Variants in FSD1L observed in about 807,000 individuals in gnomAD.
The protein encoded by FSD1L is FSD1-like protein.
In FSD1L, 45 loss-of-function variants were observed where a neutral mutation model predicts 71.6. That is an observed-to-expected ratio of 0.63 (90% CI 0.49 to 0.81). The LOEUF (loss-of-function observed/expected upper bound fraction) is 0.81, where lower values mean the gene tolerates loss of function less well. FSD1L is among the 30% of genes least tolerant of loss of function. The pLI, the probability that FSD1L is intolerant of heterozygous loss-of-function variation, is 0.00. For synonymous variants in FSD1L, 197 were observed against 207.2 expected (o/e 0.95, Z 0.42); for missense variants, 561 against 618.1 (o/e 0.91, Z 0.98).
At chr9:105,492,898 C>T (rs1304259840) in intron 7 of FSD1L, among the ~76,000 whole-genome samples, 1 of 152,036 alleles carries the variant, frequency 6.6e-6, no homozygotes, top group Admixed American at 6.5e-5. Context: ...TTTACATTTG[C>T]TGAGGAGAGC....
At chr9:105,494,561 G>T (rs1833213004) in intron 7 of FSD1L, among the ~76,000 whole-genome samples, 1 of 152,172 alleles carries the variant, frequency 6.6e-6, no homozygotes, top group Non-Finnish European at 1.5e-5. Flanking sequence ...CGTTCCTTTG[G>T]AGGAGGAGAG....
chr9:105,501,232 T>G (rs946256050), intron 7 of FSD1L, among the ~76,000 whole-genome samples: 6 of 152,172 alleles, frequency 3.9e-5, no homozygotes, highest in African/African-American at 1.4e-4. Context: ...GCGGGATTTT[T>G]TTTTTTGCTA....
intron 10 of FSD1L, among the ~76,000 whole-genome samples, chr9:105,513,974 C>G (rs1834548134): frequency 6.6e-6 from 1 of 152,102 alleles, no homozygotes; most frequent in African/African-American, 2.4e-5. Flanking sequence ...AACATTATAG[C>G]TTCGCTTTTA....
At chr9:105,448,290 T>A in intron 1 of FSD1L, 55 bp downstream of exon 1, 2 of 548,496 alleles carry the variant, frequency 3.6e-6, no homozygotes, top group Non-Finnish European at 2.8e-6. Context: ...CGGCACAGGG[T>A]GGGCGGGGCG....
chr9:105,483,549 A>C (rs1421950039), intron 6 of FSD1L, among the ~76,000 whole-genome samples: 1 of 152,234 alleles, frequency 6.6e-6, no homozygotes, highest in Non-Finnish European at 1.5e-5. Flanking sequence ...ATTTATTGGA[A>C]TATGAAAAAT....
intron 1 of FSD1L, among the ~76,000 whole-genome samples, chr9:105,449,757 A>C (rs1829872278): frequency 9.3e-6 from 1 of 107,790 alleles, no homozygotes; most frequent in Admixed American, 9.5e-5. Flanking sequence ...TTTATCAGGG[A>C]TGCATTATTC....
rs1837247985 is a variant in FSD1L at position 105,551,206 on chromosome 9, A to G, written c.*4723A>G. 6.6e-6 allele frequency: 1 copy of G among 152,106 alleles called. No individual in the cohort carries two copies. Among genetic ancestry groups the G allele is most frequent in the South Asian group, 2.1e-4 (1 of 4,832 alleles). The allele number at this position is 152,106 out of a possible 1,614,324, so 9.4% of individuals were successfully genotyped here. On this transcript the variant is annotated 3_prime_UTR_variant, in exon 14 of 14. Coordinates refer to ENST00000481272, the MANE Select transcript of FSD1L (RefSeq NM_001145313.3). ...AAAATCAACTTTATAACTAATTCATACTATAAGACAGATAATAGCTAAAGT... is the reference window on the plus strand; with the variant it reads ...AAAATCAACTTTATAACTAATTCATGCTATAAGACAGATAATAGCTAAAGT...
At chr9:105,486,643 T>G (rs573177919) in intron 7 of FSD1L, among the ~76,000 whole-genome samples, 1 of 152,182 alleles carries the variant, frequency 6.6e-6, no homozygotes, top group Admixed American at 6.5e-5. Flanking sequence ...CTTCTTCATA[T>G]AGCTATCAGA....
At chr9:105,453,500 TGTGTGTGTGTGC>T (rs1830179775) in intron 1 of FSD1L, among the ~76,000 whole-genome samples, 1 of 152,004 alleles carries the variant, frequency 6.6e-6, no homozygotes, top group African/African-American at 2.4e-5. Context: ...ATTTTGTGTG[TGTGTGTGTGTGC>T]GTGTGTGTGC....
Position 105,478,415 on chromosome 9 carries a change from A to C in FSD1L, c.442-939A>C, listed in dbSNP as rs79308636. Among the ~76,000 whole-genome samples the C allele has an allele frequency of 7.2e-4, 109 of 152,320 alleles. 1 individual carries two copies. Among genetic ancestry groups the C allele is most frequent in the African/African-American group, 2.6e-3 (108 of 41,578 alleles). On this transcript the variant is annotated intron_variant, in intron 5 of 13. Coordinates refer to ENST00000481272, the MANE Select transcript of FSD1L (RefSeq NM_001145313.3). ...ATCTAATTAACATTCAAATAAGTTT[A>C]ATAATTATTAAGTATTACTATGTCC...
At chr9:105,527,778 T>C (rs1035629378) in intron 10 of FSD1L, among the ~76,000 whole-genome samples, 4 of 150,636 alleles carry the variant, frequency 2.7e-5, no homozygotes, top group Admixed American at 2.0e-4. Context: ...CAACATAGTA[T>C]TGAAAGTTCT....
At position 105,551,366 on chromosome 9, in the gene FSD1L, A is replaced by G. The variant is rs1837254635; in HGVS notation, c.*4883A>G. The G allele has an allele frequency of 6.6e-6, 1 of 152,044 alleles. No individual in the cohort carries two copies. The highest frequency in any genetic ancestry group is 2.4e-5 in the African/African-American group (1 of 41,418). The allele number at this position is 152,044 out of a possible 1,614,324, so 9.4% of individuals were successfully genotyped here. A position where few individuals can be genotyped will look rare whatever the true frequency, so the allele number is the denominator to read the frequency against. On this transcript the variant is annotated 3_prime_UTR_variant, in exon 14 of 14. Coordinates refer to ENST00000481272, the MANE Select transcript of FSD1L (RefSeq NM_001145313.3). ...ACCATATACTAGATCTGTGACCGCTACACAAATTGTTTATCATCTTTGGGT... is the reference window on the plus strand; with the variant it reads ...ACCATATACTAGATCTGTGACCGCTGCACAAATTGTTTATCATCTTTGGGT...
intron 10 of FSD1L, chr9:105,521,032 A>G (rs1835116021): frequency 1.2e-6 from 2 of 1,612,436 alleles, no homozygotes; most frequent in African/African-American, 1.3e-5. Flanking sequence ...TGTAAGGAAA[A>G]CAGTTTATAT....
chr9:105,509,155 T>C (rs1409330978), intron 9 of FSD1L, among the ~76,000 whole-genome samples: 2 of 152,222 alleles, frequency 1.3e-5, no homozygotes, highest in East Asian at 1.9e-4. Context: ...CAAAACACTT[T>C]CAATTCTTTA....
intron 10 of FSD1L, chr9:105,525,021 C>T (rs953447032): frequency 1.3e-6 from 2 of 1,571,876 alleles, no homozygotes; most frequent in South Asian, 2.3e-5. Flanking sequence ...GGCCTTGCAT[C>T]AGCCAATTCA....
chr9:105,479,489 C>G, intron 6 of FSD1L, 113 bp downstream of exon 6: 3 of 854,294 alleles, frequency 3.5e-6, no homozygotes, highest in Non-Finnish European at 5.4e-6. Flanking sequence ...ACCCAATGAC[C>G]AAGTACAAAA....
At chr9:105,474,125 C>G (rs1227094587) in intron 5 of FSD1L, among the ~76,000 whole-genome samples, 1 of 152,126 alleles carries the variant, frequency 6.6e-6, no homozygotes, top group Admixed American at 6.5e-5. Flanking sequence ...TGTAATGGCA[C>G]AAACCTAGAC....
rs1373137521 is a variant in FSD1L, at chr9:105,534,501, C to G, written c.1034C>G (p.Thr345Arg). 6.5e-7 allele frequency: 1 copy of G among 1,538,492 alleles called. No homozygotes were observed. The highest frequency in any genetic ancestry group is 1.4e-5 in the African/African-American group (1 of 72,740). ...TCTTTTTGTTTATATAGAAGTGGTA[C>G]ACCATCCCCAAAACGAACATCTGTA... is the stretch of plus-strand genomic sequence containing the variant. ...KGKENKGRSG[T>R]PSPKRTSVGS... Residue 345 changes from threonine (T) to arginine (R), a missense_variant, in exon 11 of 14, where the codon ACA becomes AGA. This residue lies in a region of FSD1L where 410 missense variants were observed against 413.5 expected (regional missense o/e 0.99). Transcript: ENST00000481272.
At chr9:105,541,848 T>C (rs1277450246) in intron 13 of FSD1L, among the ~76,000 whole-genome samples, 1 of 152,216 alleles carries the variant, frequency 6.6e-6, no homozygotes, top group Non-Finnish European at 1.5e-5. Context: ...CCTATAGTTG[T>C]ACCTTTTCCA....
Sources: gnomAD v4.1 joint callset for allele counts (sites outside exome capture counted in the v4.1 genomes callset) on GRCh38, gnomAD v4.1.1 for gene constraint, gnomAD v4.1.1 regional missense constraint, MANE v1.5 for transcripts, NCBI Gene and HGNC (gene_info 2026-07-23, HGNC 2026-07-21) for gene names.